The following PRKCQ variants were observed in gnomAD, a reference collection of about 807,000 sequenced individuals.
The protein encoded by PRKCQ is protein kinase C theta type.
In PRKCQ, 41 loss-of-function variants were observed where a neutral mutation model predicts 91.2. That is an observed-to-expected ratio of 0.45 (90% CI 0.35 to 0.58). PRKCQ has a LOEUF of 0.58. Ranked by LOEUF, PRKCQ falls within the 20% of genes least tolerant of loss-of-function variation. The pLI is 0.00. For synonymous variants in PRKCQ, 307 were observed against 316.9 expected (o/e 0.97, Z 0.33); for missense variants, 673 against 896.5 (o/e 0.75, Z 3.18).
At chr10:6,453,313 G>GA (rs1834814024) in intron 15 of PRKCQ, among the ~76,000 whole-genome samples, 1 of 152,176 alleles carries the variant, frequency 6.6e-6, no homozygotes, top group African/African-American at 2.4e-5. Flanking sequence ...AAAGACACAT[G>GA]AAAAAATGCT....
intron 1 of PRKCQ, among the ~76,000 whole-genome samples, chr10:6,534,603 AC>A (rs538368958): frequency 2.7e-3 from 413 of 152,138 alleles, no homozygotes; most frequent in African/African-American, 9.1e-3. Context: ...TCATTGCAGC[AC>A]AGTTTAATAA....
At chr10:6,459,885 T>C (rs1835230736) in intron 14 of PRKCQ, among the ~76,000 whole-genome samples, 1 of 152,228 alleles carries the variant, frequency 6.6e-6, no homozygotes, top group Admixed American at 6.5e-5. Flanking sequence ...ATGTATCAGT[T>C]TTGTGAACAA....
At chr10:6,450,960 C>T (rs1045817922) in intron 15 of PRKCQ, among the ~76,000 whole-genome samples, 2 of 152,112 alleles carry the variant, frequency 1.3e-5, no homozygotes, top group South Asian at 2.1e-4. Flanking sequence ...ACTAAATGCC[C>T]ACAAGAGAAA....
chr10:6,405,745 G>A, the PRKCQ span, among the ~76,000 whole-genome samples: 1 of 152,186 alleles, frequency 6.6e-6, no homozygotes, highest in Non-Finnish European at 1.5e-5. Context: ...AGGTCTAGAG[G>A]AAGCTGATTG....
intron 2 of PRKCQ, among the ~76,000 whole-genome samples, chr10:6,513,446 G>C (rs1838587533): frequency 8.1e-5 from 2 of 24,722 alleles, no homozygotes; most frequent in Non-Finnish European, 8.9e-5. Context: ...AAGGCCAAAT[G>C]CAAAAAAAAA....
intron 8 of PRKCQ, 140 bp downstream of exon 8, chr10:6,491,543 G>T (rs992571524): frequency 2.6e-6 from 3 of 1,170,078 alleles, no homozygotes; most frequent in East Asian, 2.6e-5. Context: ...TGCCCCAGAA[G>T]ACCATACTTA....
rs1413949894 is a variant in PRKCQ, at chr10:6,491,622, A to G, written c.790+61T>C. On this transcript the variant is annotated intron_variant, in intron 8 of 17. Transcript: ENST00000263125. ...ACATCCTCCCTCCAGTTCCCCAGAA[A>G]GCCTTGCTCCATCCCCTAGGGGGTC... The G allele has an allele frequency of 8.8e-6, 14 of 1,585,768 alleles. No individual in the cohort carries two copies. In the African/African-American group the frequency reaches 1.6e-4, roughly 18 times the overall value.
intron 15 of PRKCQ, among the ~76,000 whole-genome samples, chr10:6,453,837 C>T (rs4748090): frequency 0.23 from 34,698 of 151,284 alleles, 4,318 homozygotes; most frequent in Non-Finnish European, 0.27. Flanking sequence ...AACCAAACAC[C>T]GCATGTTCTC....
chr10:6,453,741 TA>T (rs57915999), intron 15 of PRKCQ, among the ~76,000 whole-genome samples: 57,618 of 150,276 alleles, frequency 0.38, 11,482 homozygotes, highest in East Asian at 0.49. Flanking sequence ...TATGCAGCCA[TA>T]AAAAAATGAT....
intron 1 of PRKCQ, among the ~76,000 whole-genome samples, chr10:6,525,917 C>T (rs995056403): frequency 3.3e-5 from 5 of 152,156 alleles, no homozygotes; most frequent in Non-Finnish European, 5.9e-5. Flanking sequence ...TCAGCTCTCC[C>T]ACAAGCAGCT....
At chr10:6,505,975 T>C (rs538138465) in intron 4 of PRKCQ, among the ~76,000 whole-genome samples, 6 of 152,270 alleles carry the variant, frequency 3.9e-5, no homozygotes, top group African/African-American at 1.4e-4. Context: ...CATTGGGTCA[T>C]GATTTAAACT....
chr10:6,543,915 C>T (rs2130921127), intron 1 of PRKCQ, among the ~76,000 whole-genome samples: 1 of 152,292 alleles, frequency 6.6e-6, no homozygotes. Flanking sequence ...GCAGAAGGTG[C>T]CAGCCCTTCC....
rs1389965096 is a variant in PRKCQ, at chr10:6,453,740, A to AT, written c.1647+2933dup. Among the ~76,000 whole-genome samples the AT allele has an allele frequency of 3.9e-5, 5 of 126,596 alleles. No homozygotes were observed. In the East Asian group the frequency reaches 1.3e-3, roughly 33 times the overall value. The allele number at this position is 126,596 out of a possible 152,430, so 83.1% of individuals were successfully genotyped here. The stretch of plus-strand genomic sequence containing the variant: ...ATACACCATGGAATACTATGCAGCC[A>AT]TAAAAAAATGATGAGTTCATGTCCT... On this transcript the variant is annotated intron_variant, in intron 15 of 17. Coordinates refer to ENST00000263125, the MANE Select transcript of PRKCQ (RefSeq NM_006257.5).
chr10:6,409,782 T>A, the PRKCQ span, among the ~76,000 whole-genome samples: 1 of 152,142 alleles, frequency 6.6e-6, no homozygotes, highest in African/African-American at 2.4e-5. Flanking sequence ...AATATTGATA[T>A]ATTGAAAAGC....
intron 1 of PRKCQ, among the ~76,000 whole-genome samples, chr10:6,553,513 A>AAAAAC (rs1192606230): frequency 1.1e-5 from 1 of 87,728 alleles, no homozygotes; most frequent in African/African-American, 4.8e-5. Context: ...AAAAAAAAAA[A>AAAAAC]AAAACAAACA....
rs1185376743 is a variant in PRKCQ, at chr10:6,427,489, G to A, written c.*718C>T. 6.6e-6 allele frequency: 1 copy of A among 152,228 alleles called. No individual in the cohort carries two copies. The highest frequency in any genetic ancestry group is 6.6e-5 in the Admixed American group (1 of 15,264). The allele number at this position is 152,228 out of a possible 1,614,324, so 9.4% of individuals were successfully genotyped here. A position where few individuals can be genotyped will look rare whatever the true frequency, so the allele number is the denominator to read the frequency against. On this transcript the variant is annotated 3_prime_UTR_variant, in exon 18 of 18. Transcript: ENST00000263125. ...CTGCTGAGAATGGGTGGATGGAAAG[G>A]TTTTTACTGGCAAGGGTGAAATGAT...
intron 8 of PRKCQ, among the ~76,000 whole-genome samples, chr10:6,486,892 T>C (rs777171176): frequency 2.0e-5 from 3 of 151,782 alleles, no homozygotes; most frequent in Non-Finnish European, 4.4e-5. Flanking sequence ...GGAGTGTATA[T>C]GTGGGAAGGG....
chr10:6,400,302 G>GT, the PRKCQ span, among the ~76,000 whole-genome samples: 1 of 152,168 alleles, frequency 6.6e-6, no homozygotes, highest in African/African-American at 2.4e-5. Flanking sequence ...CTCATCTCCT[G>GT]CTCTGAAAGG....
At chr10:6,402,665 G>C in the PRKCQ span, among the ~76,000 whole-genome samples, 1 of 152,220 alleles carries the variant, frequency 6.6e-6, no homozygotes, top group African/African-American at 2.4e-5. Flanking sequence ...GCCGGGCAGG[G>C]TGGCTCATGC....
Sources: gnomAD v4.1 joint callset for allele counts (sites outside exome capture counted in the v4.1 genomes callset) on GRCh38, gnomAD v4.1.1 for gene constraint, MANE v1.5 for transcripts, NCBI Gene and HGNC (gene_info 2026-07-23, HGNC 2026-07-21) for gene names.